The following UNC13B variants were observed in gnomAD, a reference collection of about 807,000 sequenced individuals.
UNC13B encodes the protein unc-13 homolog B.
A neutral mutation model predicts 211.0 loss-of-function variants in UNC13B; 144 were observed. That is an observed-to-expected ratio of 0.68 (90% confidence interval 0.60 to 0.78). The LOEUF (loss-of-function observed/expected upper bound fraction) is 0.78, where lower values mean the gene tolerates loss of function less well. UNC13B is among the 30% of genes least tolerant of loss of function. The pLI is 0.00. For missense variants in UNC13B, 1,777 were observed against 2,002.0 expected, an observed-to-expected ratio of 0.89 and a Z score of 2.14; for synonymous variants, 709 against 725.8, an observed-to-expected ratio of 0.98 and a Z score of 0.37.
chr9:35,309,128 G>A (rs1564126944), intron 9 of UNC13B, among the ~76,000 whole-genome samples: 1 of 152,040 alleles, frequency 6.6e-6, no homozygotes, highest in African/African-American at 2.4e-5. Context: ...AGAGGGTACT[G>A]TTATTTCCCC....
At chr9:35,342,932 A>G (rs563697005) in intron 11 of UNC13B, among the ~76,000 whole-genome samples, 1 of 152,372 alleles carries the variant, frequency 6.6e-6, no homozygotes, top group East Asian at 1.9e-4. Flanking sequence ...AGAGAGAAAG[A>G]GAAAAAACCA....
At chr9:35,379,464 A>G (rs898600815) in intron 17 of UNC13B, among the ~76,000 whole-genome samples, 3 of 152,148 alleles carry the variant, frequency 2.0e-5, no homozygotes, top group Admixed American at 6.5e-5. Context: ...GAAAAGAAAA[A>G]AAAAAGGGAT....
chr9:35,236,340 G>C (rs1825507884), intron 3 of UNC13B, 129 bp from the exon 4 acceptor site: 1 of 732,356 alleles, frequency 1.4e-6, no homozygotes, highest in South Asian at 2.0e-5. Context: ...GTGGCATTCT[G>C]GGAAATTTTG....
At chr9:35,291,438 G>T (rs116448639) in intron 7 of UNC13B, among the ~76,000 whole-genome samples, 1 of 152,328 alleles carries the variant, frequency 6.6e-6, no homozygotes, top group African/African-American at 2.4e-5. Context: ...GCTAAGGAGT[G>T]CAGTGACCAG....
At chr9:35,348,175 A>G (rs1832487303) in intron 11 of UNC13B, among the ~76,000 whole-genome samples, 1 of 152,246 alleles carries the variant, frequency 6.6e-6, no homozygotes, top group Non-Finnish European at 1.5e-5. Context: ...CCTGGTCTAC[A>G]CTGAATCAGT....
Position 35,302,186 on chromosome 9 carries a change from AT to A in UNC13B, c.2783del (p.Ile928LysfsTer13), listed in dbSNP as rs1173428746. 5.0e-6 allele frequency: 2 copies of A among 398,688 alleles called. No homozygotes were observed. Among genetic ancestry groups the A allele is most frequent in the African/African-American group, 4.1e-5 (2 of 48,642 alleles). The allele number at this position is 398,688 out of a possible 1,614,324, so 24.7% of individuals were successfully genotyped here. A position where few individuals can be genotyped will look rare whatever the true frequency, so the allele number is the denominator to read the frequency against. ...CCATGAAGATACCAAACATAGTTCA[AT>A]AAAATCTAGTTCTGTTCCAAATATT... ...NCHEDTKHSSIKSSSVPNIHS... is the reference protein window; with the variant it reads ...NCHEDTKHSSXKSSSVPNIHS... On this transcript the variant is annotated frameshift_variant, in exon 9 of 40. Coordinates refer to ENST00000635942, the MANE Select transcript of UNC13B (RefSeq NM_001371189.2). LOFTEE classifies it high-confidence loss of function.
rs757301084 is a variant in UNC13B at position 35,399,017 on chromosome 9, G to T, written c.12057G>T (p.Met4019Ile). 6.2e-7 allele frequency: 1 copy of T among 1,614,044 alleles called. No homozygotes were observed. The highest frequency in any genetic ancestry group is 8.5e-7 in the Non-Finnish European group (1 of 1,179,932). ...CAGATAGCGTACTCCGGCCTCTCAT[G>T]GACTTCCTGGATGGCAAGTGAGTAC... ...QDADSVLRPL[M>I]DFLDGNLTLF... Residue 4019 changes from methionine to isoleucine, a missense_variant, in exon 33 of 40, where the codon ATG becomes ATT. By Grantham distance (10) the Met-to-Ile change is conservative. Transcript: ENST00000635942.
chr9:35,400,203 T>C, intron 36 of UNC13B, 93 bp from the exon 37 acceptor site: 1 of 1,537,080 alleles, frequency 6.5e-7, no homozygotes, highest in Non-Finnish European at 8.8e-7. Context: ...CAGCCTATTC[T>C]CACAGTCCTC....
chr9:35,261,192 C>G (rs1463529128), intron 7 of UNC13B, among the ~76,000 whole-genome samples: 1 of 152,126 alleles, frequency 6.6e-6, no homozygotes, highest in Non-Finnish European at 1.5e-5. Flanking sequence ...CCCTCATCCC[C>G]CTCTTATTTT....
At chr9:35,399,790 C>T (rs751954424) in intron 36 of UNC13B, 61 bp downstream of exon 36, 331 of 1,542,072 alleles carry the variant, frequency 2.1e-4, no homozygotes, top group Non-Finnish European at 2.8e-4. Flanking sequence ...CCTGGCATTC[C>T]ACTCTCCCAG....
At position 35,385,818 on chromosome 9, in the gene UNC13B, G is replaced by A; in HGVS notation, c.10965+5G>A. ...ATTACTTTCTTCAGAATGAAGGTAA[G>A]AAATGGACTGGGGCTTGGGTGGTGC... On this transcript the variant is annotated splice_donor_5th_base_variant and intron_variant, in intron 23 of 39. Coordinates refer to ENST00000635942, the MANE Select transcript of UNC13B (RefSeq NM_001371189.2). 1.2e-6 allele frequency: 2 copies of A among 1,605,944 alleles called. No individual in the cohort carries two copies. Among genetic ancestry groups the A allele is most frequent in the East Asian group, 4.5e-5 (2 of 44,660 alleles).
At chr9:35,183,565 C>G (rs1011408617) in intron 1 of UNC13B, among the ~76,000 whole-genome samples, 11 of 146,034 alleles carry the variant, frequency 7.5e-5, no homozygotes, top group African/African-American at 2.8e-4. Flanking sequence ...AGAGGCGCCC[C>G]TCACCTCCCA....
chr9:35,294,729 C>T lies in UNC13B; in HGVS notation c.527-967C>T, dbSNP rs903484407. 3.9e-5 allele frequency among the ~76,000 whole-genome samples: 6 copies of T among 152,272 alleles called. No individual in the cohort carries two copies. The East Asian group carries it at 5.8e-4, about 15-fold the overall frequency. On this transcript the variant is annotated intron_variant, in intron 7 of 39. Coordinates refer to ENST00000635942, the MANE Select transcript of UNC13B (RefSeq NM_001371189.2). ...AATAGGAACTTGTCAAGAAAGGACA[C>T]GTGGAACCCTGTTAATCATACACAT...
intron 1 of UNC13B, among the ~76,000 whole-genome samples, chr9:35,203,663 A>AAATTTCC (rs1406055299): frequency 6.6e-6 from 1 of 152,200 alleles, no homozygotes; most frequent in East Asian, 1.9e-4. Context: ...GTGGTGGAAG[A>AAATTTCC]AATTTCCAAC....
In UNC13B at chr9:35,396,863, C is replaced by T. The variant is rs766380400; in HGVS notation, c.11458C>T (p.Gln3820Ter). The T allele has an allele frequency of 1.2e-6, 2 of 1,614,080 alleles. No individual in the cohort carries two copies. Among genetic ancestry groups the T allele is most frequent in the African/African-American group, 1.3e-5 (1 of 74,944 alleles). ...CAGGTGGTTTGAGCAGTTCGTGCTA[C>T]AATGGCTGGATGAGAATGAGGATGT... ...YPAWFEQFVL[Q>*]WLDENEDVSL... is the part of the protein sequence containing the mutation. The change falls in exon 28 of 40, where the codon CAA becomes TAA. Residue 3820 changes from glutamine (Q) to a stop codon, truncating the protein, a stop_gained. Transcript: ENST00000635942. LOFTEE classifies it high-confidence loss of function.
At chr9:35,331,961 GAT>G (rs1486655599) in intron 11 of UNC13B, among the ~76,000 whole-genome samples, 1 of 151,560 alleles carries the variant, frequency 6.6e-6, no homozygotes, top group Non-Finnish European at 1.5e-5. Context: ...TACCTACTGT[GAT>G]AGGTAACCAG....
At chr9:35,377,748 A>G in intron 16 of UNC13B, 53 bp downstream of exon 16, 1 of 1,562,194 alleles carries the variant, frequency 6.4e-7, no homozygotes, top group Non-Finnish European at 8.7e-7. Context: ...TGGGGAGGAG[A>G]CTGGGGAAGA....
At chr9:35,218,399 G>T (rs1390672750) in intron 1 of UNC13B, among the ~76,000 whole-genome samples, 3 of 152,124 alleles carry the variant, frequency 2.0e-5, no homozygotes, top group Non-Finnish European at 4.4e-5. Flanking sequence ...GGATGTGTGG[G>T]TGTCCAAGCT....
chr9:35,205,896 AGGTGAGGCT>A (rs1823616368), intron 1 of UNC13B, among the ~76,000 whole-genome samples: 1 of 151,980 alleles, frequency 6.6e-6, no homozygotes, highest in Non-Finnish European at 1.5e-5. Flanking sequence ...TTAAAACTTG[AGGTGAGGCT>A]GGGCACAGTG....
Sources: gnomAD v4.1 joint callset for allele counts (sites outside exome capture counted in the v4.1 genomes callset) on GRCh38, gnomAD v4.1.1 for gene constraint, MANE v1.5 for transcripts, NCBI Gene and HGNC (gene_info 2026-07-23, HGNC 2026-07-21) for gene names.